MERTK: variants seen among roughly 807,000 people sequenced by gnomAD.
The protein encoded by MERTK is tyrosine-protein kinase Mer.
In MERTK, 69 loss-of-function variants were observed where a neutral mutation model predicts 99.3. The ratio of observed to expected loss-of-function variants is 0.70; its 90% confidence interval spans 0.57 to 0.85. MERTK has a LOEUF of 0.85. Among genes scored for constraint, MERTK ranks in the 40% least tolerant of loss-of-function variants. MERTK has a pLI of 0.00. For synonymous variants in MERTK, 426 were observed against 467.6 expected, an observed-to-expected ratio of 0.91 and a Z score of 1.15; for missense variants, 1,125 against 1,249.4, an observed-to-expected ratio of 0.90 and a Z score of 1.50.
chr2:111,954,493 A>T (rs747775659), intron 4 of MERTK, among the ~76,000 whole-genome samples: 1 of 152,226 alleles, frequency 6.6e-6, no homozygotes, highest in Non-Finnish European at 1.5e-5. Context: ...GGTTAGCCCC[A>T]TCACCCAGCA....
At chr2:111,951,013 T>A (rs1242620304) in intron 4 of MERTK, among the ~76,000 whole-genome samples, 1 of 152,092 alleles carries the variant, frequency 6.6e-6, no homozygotes, top group African/African-American at 2.4e-5. Flanking sequence ...ATTTTAAAAT[T>A]GGAATTGTAT....
chr2:112,003,872 A>C (rs1676924258), intron 12 of MERTK, 32 bp from the exon 13 acceptor site: 1 of 1,551,774 alleles, frequency 6.4e-7, no homozygotes. Context: ...GAGTTTGCAC[A>C]GTGTCCATAC....
intron 5 of MERTK, among the ~76,000 whole-genome samples, chr2:111,965,600 T>C (rs1685345060): frequency 6.6e-6 from 1 of 152,226 alleles, no homozygotes; most frequent in South Asian, 2.1e-4. Flanking sequence ...AAATGTTTTC[T>C]CTTTCTTAGT....
chr2:111,945,768 G>A (rs1684951222), intron 3 of MERTK, among the ~76,000 whole-genome samples: 1 of 152,210 alleles, frequency 6.6e-6, no homozygotes, highest in Admixed American at 6.5e-5. Context: ...TGCATGCCTG[G>A]TTCTGCAATG....
chr2:111,991,227 T>C, intron 8 of MERTK, among the ~76,000 whole-genome samples: 1 of 152,162 alleles, frequency 6.6e-6, no homozygotes, highest in East Asian at 1.9e-4. Flanking sequence ...AATACAATGC[T>C]CTATTTATGT....
intron 13 of MERTK, among the ~76,000 whole-genome samples, chr2:112,005,042 T>A (rs774310700): frequency 2.6e-5 from 4 of 152,188 alleles, no homozygotes; most frequent in Non-Finnish European, 5.9e-5. Context: ...CTGTAAAATC[T>A]ATGCAGTCTA....
At chr2:112,014,414 T>G (rs1400151319) in intron 15 of MERTK, among the ~76,000 whole-genome samples, 2 of 152,078 alleles carry the variant, frequency 1.3e-5, no homozygotes, top group Non-Finnish European at 2.9e-5. Flanking sequence ...ATCAGCCGCC[T>G]CGGCCTCCCG....
At chr2:111,905,382 G>A (rs906228352) in intron 1 of MERTK, among the ~76,000 whole-genome samples, 4 of 148,014 alleles carry the variant, frequency 2.7e-5, no homozygotes, top group Non-Finnish European at 4.5e-5. Flanking sequence ...GAGTGATAAA[G>A]AAGAAAGGGT....
chr2:111,979,318 G>A (rs551646777), intron 7 of MERTK, among the ~76,000 whole-genome samples: 8 of 152,262 alleles, frequency 5.3e-5, no homozygotes, highest in African/African-American at 1.2e-4. Flanking sequence ...GTTTAAAGGC[G>A]TTTTTGTATC....
At chr2:111,946,108 G>A (rs747310900) in intron 3 of MERTK, among the ~76,000 whole-genome samples, 26 of 152,170 alleles carry the variant, frequency 1.7e-4, no homozygotes, top group Admixed American at 3.9e-4. Context: ...GGGGAAGACA[G>A]AGGGGAGGGG....
intron 9 of MERTK, chr2:111,997,044 TTTAA>T: frequency 2.3e-6 from 1 of 439,148 alleles, no homozygotes; most frequent in Non-Finnish European, 4.2e-6. Flanking sequence ...AATTACTATT[TTTAA>T]TTAATAATTG....
chr2:111,932,849 G>A (rs1212248983), intron 2 of MERTK, among the ~76,000 whole-genome samples: 1 of 152,102 alleles, frequency 6.6e-6, no homozygotes, highest in African/African-American at 2.4e-5. Context: ...TGGTCAGATG[G>A]GAGGTTATCT....
intron 4 of MERTK, among the ~76,000 whole-genome samples, chr2:111,960,257 G>A (rs1228059434): frequency 6.6e-6 from 1 of 151,960 alleles, no homozygotes; most frequent in African/African-American, 2.4e-5. Context: ...GAGGCAGGTG[G>A]ATCACCTGAG....
chr2:111,925,293 T>TATATATATATATATA (rs1553446655), intron 1 of MERTK, among the ~76,000 whole-genome samples: 25 of 29,668 alleles, frequency 8.4e-4, no homozygotes, highest in African/African-American at 1.4e-3. Flanking sequence ...TATATATATA[T>TATATATATATATATA]TTTTTTTTTT....
At chr2:112,024,241 G>C (rs1018870053) in intron 18 of MERTK, among the ~76,000 whole-genome samples, 4 of 152,204 alleles carry the variant, frequency 2.6e-5, no homozygotes, top group African/African-American at 9.7e-5. Context: ...TTTTGTTGCA[G>C]TTTCTTTCTG....
At chr2:111,904,270 C>A in intron 1 of MERTK, among the ~76,000 whole-genome samples, 1 of 152,166 alleles carries the variant, frequency 6.6e-6, no homozygotes, top group East Asian at 1.9e-4. Flanking sequence ...TCCTGTTCAA[C>A]TTTTCCCACA....
intron 1 of MERTK, among the ~76,000 whole-genome samples, chr2:111,926,399 C>A (rs1684568260): frequency 6.6e-6 from 1 of 152,024 alleles, no homozygotes; most frequent in South Asian, 2.1e-4. Flanking sequence ...GTGTGCCCAC[C>A]CAAGTGGCAA....
At chr2:111,974,630 G>A (rs1291738940) in intron 6 of MERTK, among the ~76,000 whole-genome samples, 7 of 151,872 alleles carry the variant, frequency 4.6e-5, no homozygotes, top group South Asian at 2.1e-4. Context: ...TTAGCTGTGC[G>A]TGGTGGCACA....
At chr2:112,005,621 A>G (rs1247479205) in intron 13 of MERTK, among the ~76,000 whole-genome samples, 2 of 152,204 alleles carry the variant, frequency 1.3e-5, no homozygotes, top group South Asian at 2.1e-4. Flanking sequence ...TGGGGAACTT[A>G]GAAAATAGGT....
Sources: gnomAD v4.1 joint callset for allele counts (sites outside exome capture counted in the v4.1 genomes callset) on GRCh38, gnomAD v4.1.1 for gene constraint, MANE v1.5 for transcripts, NCBI Gene and HGNC (gene_info 2026-07-23, HGNC 2026-07-21) for gene names.